The following DOCK3 variants were observed in gnomAD, a reference collection of about 807,000 sequenced individuals.
DOCK3 encodes dedicator of cytokinesis 3, also known as dedicator of cytokinesis protein 3.
Under a neutral mutation model 265.6 loss-of-function variants are expected in DOCK3, and 60 were observed. That is an observed-to-expected ratio of 0.23 (90% confidence interval 0.18 to 0.28). The LOEUF (loss-of-function observed/expected upper bound fraction) is 0.28. Ranked by LOEUF, DOCK3 falls within the 10% of genes least tolerant of loss-of-function variation. The pLI is 1.00. For missense variants in DOCK3, 1,981 were observed against 2,594.3 expected (o/e 0.76, Z 5.14); for synonymous variants, 881 against 938.0 (o/e 0.94, Z 1.11).
At chr3:50,855,982 C>T (rs1167391786) in intron 3 of DOCK3, among the ~76,000 whole-genome samples, 12 of 152,148 alleles carry the variant, frequency 7.9e-5, no homozygotes, top group Admixed American at 1.3e-4. Context: ...TAACAGCTTC[C>T]AACTCCATCC....
At chr3:50,861,313 A>G (rs533109388) in intron 3 of DOCK3, among the ~76,000 whole-genome samples, 2 of 152,268 alleles carry the variant, frequency 1.3e-5, no homozygotes, top group South Asian at 4.2e-4. Context: ...AGAGCCACAT[A>G]CACTAGCTTC....
intron 6 of DOCK3, among the ~76,000 whole-genome samples, chr3:51,069,898 C>G (rs1239554806): frequency 6.6e-6 from 1 of 152,168 alleles, no homozygotes; most frequent in Non-Finnish European, 1.5e-5. Flanking sequence ...CTGATATTTT[C>G]CAGCGTTAGG....
intron 5 of DOCK3, among the ~76,000 whole-genome samples, chr3:50,946,157 G>A (rs1362066110): frequency 6.8e-6 from 1 of 146,124 alleles, no homozygotes; most frequent in African/African-American, 2.5e-5. Flanking sequence ...GTGATTAAAT[G>A]CTTACTCATA....
At chr3:51,187,110 C>A (rs1394195168) in intron 12 of DOCK3, among the ~76,000 whole-genome samples, 1 of 152,192 alleles carries the variant, frequency 6.6e-6, no homozygotes, top group East Asian at 1.9e-4. Flanking sequence ...TGCTCAACAC[C>A]AGCCTGTGAA....
intron 4 of DOCK3, among the ~76,000 whole-genome samples, chr3:50,917,538 T>C (rs538443700): frequency 3.4e-4 from 51 of 152,218 alleles, no homozygotes; most frequent in African/African-American, 1.2e-3. Flanking sequence ...TCAGCTCTAA[T>C]AGATGATTAT....
At chr3:51,055,666 A>G (rs1034105617) in intron 5 of DOCK3, among the ~76,000 whole-genome samples, 1 of 152,174 alleles carries the variant, frequency 6.6e-6, no homozygotes, top group African/African-American at 2.4e-5. Flanking sequence ...TGCCTTGTTC[A>G]GAATTGTGAA....
intron 1 of DOCK3, among the ~76,000 whole-genome samples, chr3:50,767,843 T>TACAC (rs2041000088): frequency 6.6e-6 from 1 of 152,166 alleles, no homozygotes; most frequent in Non-Finnish European, 1.5e-5. Context: ...ACATCCCTTG[T>TACAC]AAGTTGTATT....
chr3:50,748,168 A>ATTGT (rs1470574302), intron 1 of DOCK3, among the ~76,000 whole-genome samples: 8 of 151,908 alleles, frequency 5.3e-5, no homozygotes, highest in Non-Finnish European at 1.2e-4. Flanking sequence ...GACATTCTTT[A>ATTGT]TTGTTTCTGA....
chr3:50,711,619 TA>T (rs2036778006), intron 1 of DOCK3, among the ~76,000 whole-genome samples: 1 of 152,178 alleles, frequency 6.6e-6, no homozygotes, highest in African/African-American at 2.4e-5. Context: ...TTTGTATTAA[TA>T]AAAAATATTA....
rs782134941 is a variant in DOCK3 at position 51,381,187 on chromosome 3, C to G, written c.5721C>G (p.Ala1907=). The G allele has an allele frequency of 6.2e-7, 1 of 1,613,768 alleles. No homozygotes were observed. The highest frequency in any genetic ancestry group is 1.3e-5 in the African/African-American group (1 of 74,892). Reference sequence around the variant, plus strand: ...GTAACTTTGGGCACTCCTCGGAGGCCCCACCTCGCACTGACACCATGGACT... The same window carrying G: ...GTAACTTTGGGCACTCCTCGGAGGCGCCACCTCGCACTGACACCATGGACT... ...SESNFGHSSE[A]PPRTDTMDSM... Residue 1907 remains alanine, a synonymous_variant, in exon 53 of 53, where the codon GCC becomes GCG. Transcript: ENST00000266037. The surrounding 1 kb of genome is among the most constrained non-coding windows in gnomAD (Gnocchi z 5.6).
intron 3 of DOCK3, among the ~76,000 whole-genome samples, chr3:50,883,220 A>G (rs969524482): frequency 6.6e-6 from 1 of 152,140 alleles, no homozygotes; most frequent in African/African-American, 2.4e-5. Context: ...TACATATGTA[A>G]CAAACCTGCA....
chr3:51,227,633 A>G (rs2108373530), intron 16 of DOCK3, among the ~76,000 whole-genome samples, 188 bp downstream of exon 16: 1 of 152,344 alleles, frequency 6.6e-6, no homozygotes, highest in East Asian at 1.9e-4. Flanking sequence ...TCAAAACCAC[A>G]AAGTCTTGTG....
At chr3:51,018,716 G>T (rs1337247656) in intron 5 of DOCK3, among the ~76,000 whole-genome samples, 1 of 151,786 alleles carries the variant, frequency 6.6e-6, no homozygotes, top group African/African-American at 2.4e-5. Flanking sequence ...CTGAAACAAA[G>T]ATAACAGGTA....
intron 3 of DOCK3, among the ~76,000 whole-genome samples, chr3:50,845,093 C>T (rs900434322): frequency 2.6e-5 from 4 of 151,938 alleles, no homozygotes; most frequent in Non-Finnish European, 5.9e-5. Context: ...CTTGGTGGTG[C>T]ACTCCTGTGA....
intron 9 of DOCK3, among the ~76,000 whole-genome samples, chr3:51,131,358 CT>C (rs2084527907): frequency 6.6e-6 from 1 of 152,170 alleles, no homozygotes; most frequent in Non-Finnish European, 1.5e-5. Context: ...CATCATTTCT[CT>C]TTCCCCAGTG....
chr3:50,675,314 A>G lies in DOCK3; in HGVS notation c.37+14A>G. 8.0e-7 allele frequency: 1 copy of G among 1,253,784 alleles called. No individual in the cohort carries two copies. Among genetic ancestry groups the G allele is most frequent in the Admixed American group, 3.5e-5 (1 of 28,600 alleles). 77.7% of individuals were successfully genotyped at this position (1,253,784 alleles called of 1,614,324 possible). Reference sequence around the variant, plus strand: ...AATACGGCGTAGGTAGGTGAGGCTCAGGCCTGGCCGTGGCGGGGGTTCTGG... The same window carrying G: ...AATACGGCGTAGGTAGGTGAGGCTCGGGCCTGGCCGTGGCGGGGGTTCTGG... On this transcript the variant is annotated intron_variant, in intron 1 of 52. Coordinates refer to ENST00000266037, the MANE Select transcript of DOCK3 (RefSeq NM_004947.5). The surrounding 1 kb of genome is among the most constrained non-coding windows in gnomAD (Gnocchi z 6.1).
chr3:50,995,576 G>T (rs1201151820), intron 5 of DOCK3, among the ~76,000 whole-genome samples: 1 of 152,130 alleles, frequency 6.6e-6, no homozygotes, highest in Non-Finnish European at 1.5e-5. Context: ...AGGAAGAAAG[G>T]TTCACACATG....
At chr3:51,081,555 A>G (rs2082237609) in intron 7 of DOCK3, among the ~76,000 whole-genome samples, 1 of 152,176 alleles carries the variant, frequency 6.6e-6, no homozygotes, top group East Asian at 1.9e-4. Context: ...ATAAAATTTT[A>G]TAGTCACTTT....
intron 4 of DOCK3, among the ~76,000 whole-genome samples, chr3:50,912,223 C>T (rs1372625730): frequency 6.6e-6 from 1 of 152,076 alleles, no homozygotes; most frequent in Non-Finnish European, 1.5e-5. Context: ...TAGTCTTTGA[C>T]ACGATCCAGA....
Sources: gnomAD v4.1 joint callset for allele counts (sites outside exome capture counted in the v4.1 genomes callset) on GRCh38, gnomAD v4.1.1 for gene constraint, Gnocchi (gnomAD v3.1) non-coding constraint, MANE v1.5 for transcripts, NCBI Gene and HGNC (gene_info 2026-07-23, HGNC 2026-07-21) for gene names.